PPP2R2C: variants seen among roughly 807,000 people sequenced by gnomAD.
PPP2R2C encodes protein phosphatase 2 regulatory subunit Bgamma, also known as protein phosphatase 2, regulatory subunit B, gamma.
Under a neutral mutation model 45.3 loss-of-function variants are expected in PPP2R2C, and 10 were observed. The ratio of observed to expected loss-of-function variants is 0.22; its 90% CI spans 0.14 to 0.37. The LOEUF (loss-of-function observed/expected upper bound fraction) is 0.37. Among genes scored for constraint, PPP2R2C ranks in the 10% least tolerant of loss-of-function variants. PPP2R2C has a pLI of 1.00. For missense variants in PPP2R2C, 308 were observed against 619.7 expected, an observed-to-expected ratio of 0.50 and a Z score of 5.34; for synonymous variants, 257 against 245.4, an observed-to-expected ratio of 1.05 and a Z score of -0.44.
At position 6,497,542 on chromosome 4, in the gene PPP2R2C, A is replaced by C. The variant is rs116569582; in HGVS notation, c.49+37729T>G. ...AAATACTAAGTAAACTAAAGATTTA[A>C]CCATGAAAAGCAAAACTGAAAAACT... On this transcript the variant is annotated intron_variant, in intron 2 of 9. Transcript: ENST00000506140. Among the ~76,000 whole-genome samples, 1,162 of 152,340 alleles carry C rather than the reference A, an allele frequency of 7.6e-3. 9 individuals are homozygous for C. Among genetic ancestry groups the C allele is most frequent in the African/African-American group, 0.027 (1,113 of 41,564 alleles).
At chr4:6,455,404 T>C (rs4689449) in intron 1 of PPP2R2C, among the ~76,000 whole-genome samples, 149,833 of 152,224 alleles carry the variant, frequency 0.98, 73,785 homozygotes, top group Middle Eastern at 1. Flanking sequence ...AAGCTCTCTC[T>C]GTCCTCCACC....
chr4:6,459,329 G>A (rs1283657865), intron 1 of PPP2R2C, among the ~76,000 whole-genome samples: 2 of 152,148 alleles, frequency 1.3e-5, no homozygotes, highest in African/African-American at 2.4e-5. Context: ...ACAATATGGT[G>A]GCTGGCTCCA....
chr4:6,341,658 C>T (rs186880643), intron 6 of PPP2R2C, among the ~76,000 whole-genome samples: 1 of 152,144 alleles, frequency 6.6e-6, no homozygotes, highest in Admixed American at 6.5e-5. Flanking sequence ...CGGAGGTGAC[C>T]CTGGATAATC....
Position 6,382,231 on chromosome 4 carries a change from G to C in PPP2R2C, c.71-1137C>G, listed in dbSNP as rs141538063. ...AGGCCCAAGCAGCAAAAGCTAGTAGGAGCCCGGGATGGCCCGCTGCTGTGA... is the reference window on the plus strand; with the variant it reads ...AGGCCCAAGCAGCAAAAGCTAGTAGCAGCCCGGGATGGCCCGCTGCTGTGA... On this transcript the variant is annotated intron_variant, in intron 1 of 8. Coordinates refer to ENST00000382599, the MANE Select transcript of PPP2R2C (RefSeq NM_020416.4). 1,504 of 1,208,646 alleles carry C rather than the reference G, an allele frequency of 1.2e-3. 15 individuals are homozygous for C. In the African/African-American group the frequency reaches 0.022, roughly 17 times the overall value. The allele number at this position is 1,208,646 out of a possible 1,614,324, so 74.9% of individuals were successfully genotyped here. A position where few individuals can be genotyped will look rare whatever the true frequency, so the allele number is the denominator to read the frequency against.
rs548303252 is a variant in PPP2R2C at position 6,333,299 on chromosome 4, C to T, written c.960+263G>A. Among the ~76,000 whole-genome samples the T allele has an allele frequency of 2.7e-4, 41 of 152,350 alleles. 1 individual carries two copies. Among genetic ancestry groups the T allele is most frequent in the African/African-American group, 9.6e-4 (40 of 41,586 alleles). On this transcript the variant is annotated intron_variant, in intron 7 of 8. Transcript: ENST00000382599. ...CTCATCTCTGTTCCCACATCTCTTTCCTCCCTGGAATTGAGGCCCCTGGGC... is the reference window on the plus strand; with the variant it reads ...CTCATCTCTGTTCCCACATCTCTTTTCTCCCTGGAATTGAGGCCCCTGGGC...
intron 2 of PPP2R2C, among the ~76,000 whole-genome samples, chr4:6,502,410 G>C (rs1723088743): frequency 6.6e-6 from 1 of 152,122 alleles, no homozygotes; most frequent in Non-Finnish European, 1.5e-5. Context: ...GTGTCTGAAG[G>C]ATGGTGACTG....
intron 1 of PPP2R2C, among the ~76,000 whole-genome samples, chr4:6,548,078 C>A (rs577536156): frequency 1.3e-5 from 2 of 152,092 alleles, no homozygotes; most frequent in African/African-American, 4.8e-5. Flanking sequence ...ATTAACCAGG[C>A]ATGGTGGTGG....
At chr4:6,506,967 A>G (rs1723258133) in intron 2 of PPP2R2C, among the ~76,000 whole-genome samples, 1 of 152,206 alleles carries the variant, frequency 6.6e-6, no homozygotes, top group South Asian at 2.1e-4. Context: ...AAAGACCCAG[A>G]TCACCAGATC....
At chr4:6,487,014 T>C (rs1722550581) in intron 2 of PPP2R2C, among the ~76,000 whole-genome samples, 2 of 152,100 alleles carry the variant, frequency 1.3e-5, no homozygotes, top group African/African-American at 4.8e-5. Flanking sequence ...ACTCTTATTG[T>C]TTTAGTAGTT....
At chr4:6,372,766 G>C (rs34231840) in intron 4 of PPP2R2C, 66 bp from the exon 5 acceptor site, 3 of 1,504,262 alleles carry the variant, frequency 2.0e-6, no homozygotes, top group African/African-American at 2.8e-5. Context: ...ATAGCATGCC[G>C]TGAGCATGTG....
intron 1 of PPP2R2C, among the ~76,000 whole-genome samples, chr4:6,537,327 C>T (rs980408672): frequency 7.2e-5 from 11 of 152,048 alleles, no homozygotes; most frequent in African/African-American, 2.2e-4. Context: ...GATGCACAGG[C>T]GATTACATGG....
In PPP2R2C at chr4:6,368,628, C is replaced by T. The variant is rs16838645; in HGVS notation, c.625+3895G>A. ...CTTTTCTTCTTTACAGCCAACCTGT[C>T]TGAATGTCTTGTGGCCACCCCGATC... On this transcript the variant is annotated intron_variant, in intron 5 of 8. Coordinates refer to ENST00000382599, the MANE Select transcript of PPP2R2C (RefSeq NM_020416.4). This position sits in a 1 kb window ranked among gnomAD's most constrained non-coding sequence, Gnocchi z 4.2. Among the ~76,000 whole-genome samples the T allele has an allele frequency of 0.053, 8,063 of 152,240 alleles. 333 individuals are homozygous for T. Among genetic ancestry groups the T allele is most frequent in the African/African-American group, 0.11 (4,762 of 41,522 alleles).
intron 1 of PPP2R2C, among the ~76,000 whole-genome samples, chr4:6,432,400 C>A (rs577021495): frequency 6.6e-6 from 1 of 152,332 alleles, no homozygotes; most frequent in African/African-American, 2.4e-5. Flanking sequence ...GTGTTGTACC[C>A]ACATCCTCAG....
At chr4:6,370,481 A>G (rs115309674) in intron 5 of PPP2R2C, among the ~76,000 whole-genome samples, 5 of 152,164 alleles carry the variant, frequency 3.3e-5, no homozygotes, top group African/African-American at 1.2e-4. Flanking sequence ...CTCCAGCACC[A>G]GGGAGAGGTA....
chr4:6,512,222 T>G (rs1723618551), intron 2 of PPP2R2C, among the ~76,000 whole-genome samples: 2 of 62,940 alleles, frequency 3.2e-5, no homozygotes, highest in Admixed American at 1.8e-4. Context: ...ATGGTGGTGT[T>G]GGTGGTGGTG....
chr4:6,376,015 T>C (rs2109303615), intron 3 of PPP2R2C, 84 bp from the exon 4 acceptor site: 1 of 1,161,472 alleles, frequency 8.6e-7, no homozygotes, highest in Non-Finnish European at 1.3e-6. Flanking sequence ...GGTGAAATCA[T>C]GAGGCACCTC....
chr4:6,344,078 G>T (rs1444635557), intron 6 of PPP2R2C, among the ~76,000 whole-genome samples: 1 of 152,186 alleles, frequency 6.6e-6, no homozygotes, highest in Non-Finnish European at 1.5e-5. Context: ...GGCCCTTGGG[G>T]ATTTGTCAGC....
Position 6,378,413 on chromosome 4 carries a change from T to C in PPP2R2C, c.328A>G (p.Thr110Ala). ...AGGCCGGGCAGCGCCTCACCGTTGGTGGACAGGAGTGAGTGGGCGGCGTTC... is the reference window on the plus strand; with the variant it reads ...AGGCCGGGCAGCGCCTCACCGTTGGCGGACAGGAGTGAGTGGGCGGCGTTC... ...QQNAAHSLLS[T>A]NDKTIKLWKI... is the part of the protein sequence containing the mutation. Residue 110 changes from threonine to alanine, a missense_variant, in exon 3 of 9, where the codon ACC (threonine) becomes GCC (alanine). Thr to Ala is a moderately conservative substitution (Grantham distance 58). Transcript: ENST00000382599. This position sits in a 1 kb window ranked among gnomAD's most constrained non-coding sequence, Gnocchi z 5.2. 1 of 1,614,162 alleles carries C rather than the reference T, an allele frequency of 6.2e-7. No individual in the cohort carries two copies. The highest frequency in any genetic ancestry group is 1.7e-4 in the Middle Eastern group (1 of 6,058).
At chr4:6,447,877 G>T (rs1176360403) in intron 1 of PPP2R2C, among the ~76,000 whole-genome samples, 5 of 152,146 alleles carry the variant, frequency 3.3e-5, no homozygotes, top group Non-Finnish European at 7.4e-5. Context: ...CATCGAGGTC[G>T]CCAGCTCCTT....
Sources: allele counts gnomAD v4.1 joint callset (sites outside exome capture counted in the v4.1 genomes callset), GRCh38; gene constraint gnomAD v4.1.1; non-coding constraint Gnocchi (gnomAD v3.1); transcripts MANE v1.5; gene names NCBI Gene and HGNC (gene_info 2026-07-23, HGNC 2026-07-21).